Variants in PCDH15 observed in about 807,000 individuals in gnomAD.
PCDH15 encodes the protein protocadherin-15.
A neutral mutation model predicts 178.5 loss-of-function variants in PCDH15; 129 were observed. That is an observed-to-expected ratio of 0.72 (90% CI 0.63 to 0.84). The LOEUF (loss-of-function observed/expected upper bound fraction) is 0.84, where lower values mean the gene tolerates loss of function less well. Among genes scored for constraint, PCDH15 ranks in the 40% least tolerant of loss-of-function variants. The pLI is 0.00. For missense variants in PCDH15, 2,230 were observed against 2,099.9 expected (o/e 1.06, Z -1.21); for synonymous variants, 800 against 732.0 (o/e 1.09, Z -1.50).
chr10:55,083,082 A>T (rs781307102), intron 2 of PCDH15, among the ~76,000 whole-genome samples: 79 of 152,070 alleles, frequency 5.2e-4, no homozygotes, highest in Non-Finnish European at 9.3e-4. Flanking sequence ...AACCACAACC[A>T]GAAAAAGATA....
At chr10:53,978,699 T>A (rs1449721316) in intron 21 of PCDH15, among the ~76,000 whole-genome samples, 1 of 151,990 alleles carries the variant, frequency 6.6e-6, no homozygotes, top group Non-Finnish European at 1.5e-5. Flanking sequence ...GGCTGCAAAT[T>A]TTTCAAGCTT....
intron 1 of PCDH15, among the ~76,000 whole-genome samples, chr10:54,713,357 T>C (rs1249943591): frequency 6.6e-6 from 1 of 152,108 alleles, no homozygotes; most frequent in Non-Finnish European, 1.5e-5. Context: ...AACTTAATAC[T>C]GTGAACAGAC....
intron 3 of PCDH15, among the ~76,000 whole-genome samples, chr10:54,431,139 G>T (rs1350570097): frequency 6.6e-6 from 1 of 151,994 alleles, no homozygotes. Flanking sequence ...GTAAAGAAAA[G>T]CCCAGGACCC....
intron 9 of PCDH15, among the ~76,000 whole-genome samples, chr10:54,215,579 G>A (rs1375659451): frequency 6.6e-6 from 1 of 152,008 alleles, no homozygotes; most frequent in East Asian, 1.9e-4. Context: ...ATGAAAATGT[G>A]GATAAATTTT....
intron 1 of PCDH15, among the ~76,000 whole-genome samples, chr10:55,201,097 T>G (rs1054006055): frequency 1.3e-5 from 2 of 152,096 alleles, no homozygotes; most frequent in African/African-American, 4.8e-5. Context: ...ACACATAACC[T>G]GAGGCCAAAC....
intron 17 of PCDH15, among the ~76,000 whole-genome samples, chr10:54,075,701 C>G (rs778957190): frequency 2.0e-5 from 3 of 152,164 alleles, no homozygotes; most frequent in Non-Finnish European, 4.4e-5. Context: ...TAAGGTCCAA[C>G]TTCATTCGTT....
chr10:55,028,486 A>C (rs778810854), intron 2 of PCDH15, among the ~76,000 whole-genome samples: 1 of 151,990 alleles, frequency 6.6e-6, no homozygotes, highest in Non-Finnish European at 1.5e-5. Flanking sequence ...AACAAAGACA[A>C]ATTTTGAGAA....
chr10:55,385,780 T>C (rs1399201653), intron 2 of PCDH15, among the ~76,000 whole-genome samples: 3 of 144,934 alleles, frequency 2.1e-5, no homozygotes, highest in Non-Finnish European at 3.0e-5. Context: ...CGTATATAGA[T>C]ATGCATATCT....
chr10:55,374,882 T>A lies in PCDH15; in HGVS notation c.-155-208231A>T, dbSNP rs150862343. Among the ~76,000 whole-genome samples, 505 of 152,026 alleles carry A rather than the reference T, an allele frequency of 3.3e-3. 2 individuals are homozygous for A. Among genetic ancestry groups the A allele is most frequent in the African/African-American group, 9.8e-3 (408 of 41,496 alleles). ...AATGAATAAATGAAGGAATTATTGA[T>A]CTGACCAACAATATAAAAATAGAGT... On this transcript the variant is annotated intron_variant, in intron 2 of 5. Coordinates refer to the PCDH15 transcript ENST00000613346.
At chr10:54,627,772 C>G (rs984803872) in intron 2 of PCDH15, among the ~76,000 whole-genome samples, 3 of 152,118 alleles carry the variant, frequency 2.0e-5, no homozygotes, top group Admixed American at 2.0e-4. Context: ...TGTTAAAAAG[C>G]TGTGCTAGAA....
At chr10:55,417,148 T>C (rs1344254948) in intron 2 of PCDH15, among the ~76,000 whole-genome samples, 3 of 151,836 alleles carry the variant, frequency 2.0e-5, no homozygotes, top group African/African-American at 7.2e-5. Context: ...TCATTCTCCA[T>C]AAATAGCTTT....
At chr10:54,638,947 TA>T (rs2093927372) in intron 2 of PCDH15, among the ~76,000 whole-genome samples, 1 of 152,188 alleles carries the variant, frequency 6.6e-6, no homozygotes, top group African/African-American at 2.4e-5. Context: ...AATATAAAAC[TA>T]AATACTTCAA....
At chr10:54,870,958 C>A (rs1954028898) in intron 3 of PCDH15, among the ~76,000 whole-genome samples, 1 of 152,016 alleles carries the variant, frequency 6.6e-6, no homozygotes, top group African/African-American at 2.4e-5. Flanking sequence ...TGAAAATAAG[C>A]CCTTTGAACT....
intron 2 of PCDH15, among the ~76,000 whole-genome samples, chr10:54,972,039 T>C (rs866103378): frequency 2.0e-5 from 3 of 152,172 alleles, no homozygotes; most frequent in African/African-American, 7.2e-5. Context: ...ATAGGCATTC[T>C]GAGAAATTGC....
intron 2 of PCDH15, among the ~76,000 whole-genome samples, chr10:55,513,769 G>C (rs1036369914): frequency 6.6e-6 from 1 of 151,938 alleles, no homozygotes; most frequent in African/African-American, 2.4e-5. Flanking sequence ...AGGACATTTA[G>C]ACTGCAATTA....
intron 1 of PCDH15, among the ~76,000 whole-genome samples, chr10:54,689,135 A>G (rs1045440617): frequency 1.6e-4 from 24 of 152,032 alleles, no homozygotes; most frequent in African/African-American, 5.6e-4. Context: ...CTTTAGCCAC[A>G]ACTACATAAA....
chr10:55,612,827 A>C (rs1843395965), intron 2 of PCDH15, among the ~76,000 whole-genome samples: 1 of 152,156 alleles, frequency 6.6e-6, no homozygotes, highest in African/African-American at 2.4e-5. Flanking sequence ...AATTCTGAGC[A>C]TTGCCTTTAA....
At chr10:55,339,536 A>T (rs1844492850) in intron 2 of PCDH15, among the ~76,000 whole-genome samples, 1 of 152,220 alleles carries the variant, frequency 6.6e-6, no homozygotes, top group Non-Finnish European at 1.5e-5. Context: ...CATAACAGAT[A>T]CAAAAGGTTT....
intron 2 of PCDH15, among the ~76,000 whole-genome samples, chr10:55,386,333 A>G (rs1052558903): frequency 2.0e-5 from 3 of 152,094 alleles, no homozygotes; most frequent in African/African-American, 7.2e-5. Flanking sequence ...ACTTTCTTCA[A>G]GCCATGTATC....
Sources: allele counts gnomAD v4.1 joint callset (sites outside exome capture counted in the v4.1 genomes callset), GRCh38; gene constraint gnomAD v4.1.1; transcripts MANE v1.5; gene names NCBI Gene and HGNC (gene_info 2026-07-23, HGNC 2026-07-21).